Variants in TBXAS1 observed in about 807,000 individuals in gnomAD.
TBXAS1 encodes the protein thromboxane-A synthase.
TBXAS1 carries 48 observed loss-of-function variants against 60.7 expected under a neutral mutation model. The observed-to-expected ratio is 0.79, with a 90% CI of 0.63 to 1.01. The LOEUF is 1.01. Ranked by LOEUF, TBXAS1 falls within the 50% of genes least tolerant of loss-of-function variation. The pLI is 0.00. For missense variants in TBXAS1, 685 were observed against 686.3 expected (o/e 1.00, Z 0.02); for synonymous variants, 287 against 269.7 (o/e 1.06, Z -0.63).
At chr7:139,823,171 C>T (rs1354637456) in intron 4 of TBXAS1, among the ~76,000 whole-genome samples, 2 of 151,832 alleles carry the variant, frequency 1.3e-5, no homozygotes, top group Non-Finnish European at 2.9e-5. Context: ...TTGCCGATCT[C>T]CTGTCCTCCT....
At chr7:139,990,746 T>C (rs1362294242) in intron 9 of TBXAS1, among the ~76,000 whole-genome samples, 1 of 151,494 alleles carries the variant, frequency 6.6e-6, no homozygotes, top group Non-Finnish European at 1.5e-5. Context: ...AGTCCATGAT[T>C]GTGAACTTGA....
At position 139,916,993 on chromosome 7, in the gene TBXAS1, AG is replaced by A. The variant is rs1806037104; in HGVS notation, c.333+5673del. 6.6e-6 allele frequency among the ~76,000 whole-genome samples: 1 copy of A among 152,236 alleles called. No individual in the cohort carries two copies. ...TCTCTTTCTCTTAAATCAAACATTG[AG>A]TAAATGAAGACACTCAGATGTTCAA... On this transcript the variant is annotated intron_variant, in intron 4 of 12. Coordinates refer to ENST00000448866, the MANE Select transcript of TBXAS1 (RefSeq NM_001061.7). This position sits in a 1 kb window ranked among gnomAD's most constrained non-coding sequence, Gnocchi z 4.2.
intron 4 of TBXAS1, among the ~76,000 whole-genome samples, chr7:139,802,638 A>T (rs1797749748): frequency 6.6e-6 from 1 of 152,188 alleles, no homozygotes; most frequent in Non-Finnish European, 1.5e-5. Context: ...TACAAAAATT[A>T]GCTGGGTGTG....
chr7:140,009,687 C>T (rs1215521049), intron 10 of TBXAS1, among the ~76,000 whole-genome samples: 1 of 96,034 alleles, frequency 1.0e-5, no homozygotes, highest in South Asian at 4.7e-4. Context: ...CCACACCCAC[C>T]CCACACCTGC....
chr7:139,826,962 A>G (rs187664875), upstream of TBXAS1, among the ~76,000 whole-genome samples: 5 of 152,248 alleles, frequency 3.3e-5, no homozygotes, highest in African/African-American at 1.2e-4. Flanking sequence ...CCTGTAGCTC[A>G]AGTTTGGAAC....
At chr7:139,977,135 C>T (rs1234474167) in intron 9 of TBXAS1, among the ~76,000 whole-genome samples, 1 of 152,188 alleles carries the variant, frequency 6.6e-6, no homozygotes, top group Non-Finnish European at 1.5e-5. Flanking sequence ...GTCATCTGGT[C>T]TATGCATCGA....
intron 4 of TBXAS1, among the ~76,000 whole-genome samples, chr7:139,816,561 C>T (rs1302162775): frequency 6.6e-6 from 1 of 152,190 alleles, no homozygotes; most frequent in Admixed American, 6.5e-5. Context: ...TTGAGAAGCA[C>T]ACTGTTCTCA....
intron 4 of TBXAS1, among the ~76,000 whole-genome samples, chr7:139,809,288 T>C (rs377020796): frequency 1.3e-5 from 2 of 150,394 alleles, no homozygotes; most frequent in African/African-American, 4.9e-5. Flanking sequence ...AGGAAATAGA[T>C]AGGTAGATAG....
At chr7:139,834,055 T>C (rs1042520270) in intron 1 of TBXAS1, among the ~76,000 whole-genome samples, 4 of 152,198 alleles carry the variant, frequency 2.6e-5, no homozygotes, top group Non-Finnish European at 4.4e-5. Flanking sequence ...GACCATATGA[T>C]AGGCCATAAA....
chr7:139,995,392 G>A (rs917457887), intron 9 of TBXAS1, among the ~76,000 whole-genome samples: 2 of 152,156 alleles, frequency 1.3e-5, no homozygotes, highest in African/African-American at 2.4e-5. Context: ...GGGGTGTGCG[G>A]AGGGCAAGTT....
chr7:139,807,673 G>A lies in TBXAS1; in HGVS notation c.-80+20247G>A, dbSNP rs146902819. On this transcript the variant is annotated intron_variant, in intron 4 of 16. Coordinates refer to the TBXAS1 transcript ENST00000336425. Reference sequence around the variant, plus strand: ...GCTGGGATTACAGGCGTGAGCCACCGCGCTCAGCCAATTTTTTTCTTTTTT... The same window carrying A: ...GCTGGGATTACAGGCGTGAGCCACCACGCTCAGCCAATTTTTTTCTTTTTT... 4.3e-3 allele frequency among the ~76,000 whole-genome samples: 656 copies of A among 152,090 alleles called. 1 individual carries two copies. The highest frequency in any genetic ancestry group is 7.8e-3 in the African/African-American group (324 of 41,500).
rs1796868501 is a variant in TBXAS1, at chr7:139,778,678, C to T, written c.-318+207C>T. On this transcript the variant is annotated intron_variant, in intron 1 of 16. Coordinates refer to the TBXAS1 transcript ENST00000336425. This position sits in a 1 kb window ranked among gnomAD's most constrained non-coding sequence, Gnocchi z 4.8. ...CACCCTGATCTTCTCCTCCTCGCGTCTACACTGTCCCGAGGGCCGCCACTC... is the reference window on the plus strand; with the variant it reads ...CACCCTGATCTTCTCCTCCTCGCGTTTACACTGTCCCGAGGGCCGCCACTC... Among the ~76,000 whole-genome samples the T allele has an allele frequency of 6.6e-6, 1 of 152,074 alleles. No homozygotes were observed. The highest frequency in any genetic ancestry group is 2.1e-4 in the South Asian group (1 of 4,818).
At chr7:139,865,214 G>A (rs866405342) in intron 1 of TBXAS1, among the ~76,000 whole-genome samples, 4 of 152,118 alleles carry the variant, frequency 2.6e-5, no homozygotes, top group Non-Finnish European at 4.4e-5. Context: ...AAGATCTCAC[G>A]TGTAAAATCT....
intron 3 of TBXAS1, among the ~76,000 whole-genome samples, chr7:139,906,675 A>G (rs34871348): frequency 0.28 from 42,446 of 152,040 alleles, 6,279 homozygotes; most frequent in South Asian, 0.43. Context: ...TGAGACTTTG[A>G]TTGGAATTGC....
At chr7:139,846,822 G>A (rs1260588067) in intron 1 of TBXAS1, among the ~76,000 whole-genome samples, 1 of 152,170 alleles carries the variant, frequency 6.6e-6, no homozygotes. Flanking sequence ...CGGGGGTGTT[G>A]GGGATGGTCA....
chr7:139,963,806 C>G (rs768258466), intron 9 of TBXAS1, among the ~76,000 whole-genome samples: 14 of 152,170 alleles, frequency 9.2e-5, no homozygotes, highest in Non-Finnish European at 1.9e-4. Context: ...TTTAATTGAG[C>G]AGCTCAGGAA....
intron 9 of TBXAS1, among the ~76,000 whole-genome samples, chr7:139,998,008 C>T (rs1188605256): frequency 2.6e-5 from 4 of 152,192 alleles, no homozygotes; most frequent in African/African-American, 7.2e-5. Context: ...ATGGATAAAT[C>T]GGGGCAGCTC....
chr7:139,809,854 C>T (rs1159752107), intron 4 of TBXAS1, among the ~76,000 whole-genome samples: 3 of 152,148 alleles, frequency 2.0e-5, no homozygotes, highest in Non-Finnish European at 2.9e-5. Flanking sequence ...CCAGTCTCTT[C>T]TGAAAACACC....
chr7:139,921,166 T>A (rs1036460914), intron 4 of TBXAS1, among the ~76,000 whole-genome samples: 1 of 152,042 alleles, frequency 6.6e-6, no homozygotes, highest in African/African-American at 2.4e-5. Flanking sequence ...TATTCCCCTA[T>A]GTGACACCAC....
Sources: allele counts gnomAD v4.1 joint callset (sites outside exome capture counted in the v4.1 genomes callset), GRCh38; gene constraint gnomAD v4.1.1; non-coding constraint Gnocchi (gnomAD v3.1); transcripts MANE v1.5; gene names NCBI Gene and HGNC (gene_info 2026-07-23, HGNC 2026-07-21).